Variants in UBAC2 observed in about 807,000 individuals in gnomAD.
UBAC2 encodes the protein ubiquitin-associated domain-containing protein 2.
A neutral mutation model predicts 44.0 loss-of-function variants in UBAC2; 26 were observed. That is an observed-to-expected ratio of 0.59 (90% CI 0.43 to 0.82). The LOEUF (loss-of-function observed/expected upper bound fraction) is 0.82. UBAC2 is among the 40% of genes least tolerant of loss of function. UBAC2 has a pLI of 0.00. For missense variants in UBAC2, 329 were observed against 419.4 expected (o/e 0.78, Z 1.88); for synonymous variants, 155 against 154.3 (o/e 1.00, Z -0.04).
At chr13:99,262,303 A>G (rs2043675123) in intron 4 of UBAC2, among the ~76,000 whole-genome samples, 1 of 152,242 alleles carries the variant, frequency 6.6e-6, no homozygotes, top group African/African-American at 2.4e-5. Context: ...GTTTGGTACT[A>G]TCTGCAGTTT....
intron 4 of UBAC2, among the ~76,000 whole-genome samples, chr13:99,290,128 C>T (rs1046346894): frequency 4.6e-5 from 7 of 152,262 alleles, no homozygotes; most frequent in Admixed American, 1.3e-4. Context: ...ACTGTGTGAC[C>T]GTGGGCAAGT....
At chr13:99,228,905 A>G (rs900199985) in intron 1 of UBAC2, among the ~76,000 whole-genome samples, 1 of 152,208 alleles carries the variant, frequency 6.6e-6, no homozygotes, top group Non-Finnish European at 1.5e-5. Flanking sequence ...CTATTTTTAT[A>G]TGCTTAGACA....
intron 4 of UBAC2, among the ~76,000 whole-genome samples, chr13:99,305,021 A>C (rs2044311591): frequency 6.6e-6 from 1 of 152,206 alleles, no homozygotes; most frequent in South Asian, 2.1e-4. Context: ...TTATTAGTTT[A>C]TTTGTAGCAT....
chr13:99,379,721 T>C (rs1418728672), intron 8 of UBAC2, among the ~76,000 whole-genome samples: 1 of 152,218 alleles, frequency 6.6e-6, no homozygotes. Flanking sequence ...CTTCAGATCC[T>C]ATATGGTGGT....
intron 8 of UBAC2, among the ~76,000 whole-genome samples, chr13:99,384,617 G>C (rs2045594409): frequency 6.6e-6 from 1 of 152,268 alleles, no homozygotes; most frequent in Admixed American, 6.5e-5. Context: ...GCCCCAGGCT[G>C]CAAGTGGCAC....
chr13:99,226,906 C>T (rs181060611), intron 1 of UBAC2, among the ~76,000 whole-genome samples: 3 of 152,220 alleles, frequency 2.0e-5, no homozygotes. Context: ...TGGATAAGAC[C>T]GGCACCCCTT....
intron 1 of UBAC2, among the ~76,000 whole-genome samples, chr13:99,232,065 A>T (rs2043179089): frequency 6.6e-6 from 1 of 152,176 alleles, no homozygotes; most frequent in Admixed American, 6.5e-5. Flanking sequence ...CTACATGTGT[A>T]TTTATATAGG....
intron 4 of UBAC2, among the ~76,000 whole-genome samples, chr13:99,281,141 A>G (rs190949680): frequency 1.3e-5 from 2 of 152,192 alleles, no homozygotes; most frequent in Admixed American, 6.5e-5. Flanking sequence ...GTGAGATGAG[A>G]TCACACCATG....
intron 6 of UBAC2, among the ~76,000 whole-genome samples, chr13:99,331,121 C>T (rs1433426198): frequency 6.6e-6 from 1 of 152,242 alleles, no homozygotes; most frequent in Admixed American, 6.5e-5. Flanking sequence ...TATCCTTCGC[C>T]TCTCAGTCTG....
intron 4 of UBAC2, among the ~76,000 whole-genome samples, chr13:99,250,404 G>C (rs947308665): frequency 1.3e-5 from 2 of 152,132 alleles, no homozygotes; most frequent in African/African-American, 4.8e-5. Flanking sequence ...TCTCTATTCT[G>C]TTCCACTGGT....
chr13:99,229,647 G>A (rs1023979627), intron 1 of UBAC2, among the ~76,000 whole-genome samples: 5 of 152,292 alleles, frequency 3.3e-5, no homozygotes, highest in East Asian at 3.9e-4. Context: ...ATGCAGGACC[G>A]TAAAAATGAC....
intron 6 of UBAC2, among the ~76,000 whole-genome samples, chr13:99,335,047 G>A (rs766377712): frequency 9.9e-5 from 15 of 152,220 alleles, no homozygotes; most frequent in East Asian, 5.8e-4. Flanking sequence ...TTGTTATGAC[G>A]AAAGGGTCAG....
At chr13:99,363,312 TTTGAG>T (rs2045289814) in intron 7 of UBAC2, among the ~76,000 whole-genome samples, 3 of 152,210 alleles carry the variant, frequency 2.0e-5, no homozygotes, top group Admixed American at 2.0e-4. Flanking sequence ...CATGCCTAGT[TTTGAG>T]CTTTAACTTC....
At chr13:99,255,078 A>C (rs773906701) in intron 4 of UBAC2, 1 of 1,613,950 alleles carries the variant, frequency 6.2e-7, no homozygotes, top group Non-Finnish European at 8.5e-7. Flanking sequence ...CTCCCCAGGG[A>C]TTGTAACTGT....
intron 8 of UBAC2, among the ~76,000 whole-genome samples, chr13:99,383,575 G>C (rs761926425): frequency 6.6e-6 from 1 of 152,222 alleles, no homozygotes; most frequent in South Asian, 2.1e-4. Flanking sequence ...CCTCCCCACC[G>C]CAAGGCATTT....
At chr13:99,225,557 C>G (rs2043101849) in intron 1 of UBAC2, among the ~76,000 whole-genome samples, 1 of 152,228 alleles carries the variant, frequency 6.6e-6, no homozygotes, top group Non-Finnish European at 1.5e-5. Context: ...TTTATGCATT[C>G]ATCTGCCAGT....
At chr13:99,221,606 G>A (rs1206880629) in intron 1 of UBAC2, among the ~76,000 whole-genome samples, 1 of 152,086 alleles carries the variant, frequency 6.6e-6, no homozygotes, top group Middle Eastern at 3.2e-3. Flanking sequence ...CTATTTCTGT[G>A]TTCCTCCCAT....
intron 1 of UBAC2, among the ~76,000 whole-genome samples, chr13:99,212,947 C>T (rs906122130): frequency 4.6e-5 from 7 of 152,152 alleles, no homozygotes; most frequent in Admixed American, 2.0e-4. Flanking sequence ...AAAAATTATA[C>T]AAATATTTTA....
At chr13:99,342,541 G>A (rs1309631886) in intron 7 of UBAC2, among the ~76,000 whole-genome samples, 1 of 152,114 alleles carries the variant, frequency 6.6e-6, no homozygotes, top group Non-Finnish European at 1.5e-5. Flanking sequence ...CAGGAGATAG[G>A]TCGGCCTAGG....
Sources: gnomAD v4.1 joint callset for allele counts (sites outside exome capture counted in the v4.1 genomes callset) on GRCh38, gnomAD v4.1.1 for gene constraint, MANE v1.5 for transcripts, NCBI Gene and HGNC (gene_info 2026-07-23, HGNC 2026-07-21) for gene names.